STK39: variants seen among roughly 807,000 people sequenced by gnomAD.
The protein encoded by STK39 is serine/threonine kinase 39.
A neutral mutation model predicts 77.8 loss-of-function variants in STK39; 20 were observed. The ratio of observed to expected loss-of-function variants is 0.26; its 90% CI spans 0.18 to 0.37. STK39 has a LOEUF of 0.37. STK39 is among the 10% of genes least tolerant of loss of function. STK39 has a pLI of 1.00. For synonymous variants in STK39, 246 were observed against 234.1 expected (o/e 1.05, Z -0.47); for missense variants, 479 against 656.5 (o/e 0.73, Z 2.95).
intron 1 of STK39, among the ~76,000 whole-genome samples, chr2:168,227,886 T>C (rs1223642629): frequency 6.6e-6 from 1 of 152,144 alleles, no homozygotes; most frequent in Admixed American, 6.5e-5. Context: ...CTTGATCTCC[T>C]GACCTAATGA....
At chr2:168,146,232 G>A (rs1156822344) in intron 5 of STK39, among the ~76,000 whole-genome samples, 3 of 152,202 alleles carry the variant, frequency 2.0e-5, no homozygotes, top group African/African-American at 7.2e-5. Context: ...CTGTTTAGGG[G>A]CTTGCTTGCT....
intron 1 of STK39, among the ~76,000 whole-genome samples, chr2:168,229,026 G>A (rs547210945): frequency 2.0e-4 from 31 of 152,122 alleles, no homozygotes; most frequent in African/African-American, 6.7e-4. Flanking sequence ...ACATCTAAAA[G>A]CATATAATAT....
At chr2:168,040,905 A>G (rs1032561648) in intron 14 of STK39, among the ~76,000 whole-genome samples, 1 of 152,184 alleles carries the variant, frequency 6.6e-6, no homozygotes, top group South Asian at 2.1e-4. Flanking sequence ...GAATTACATA[A>G]AGTGACGTTT....
At chr2:168,090,255 G>C (rs1686482340) in intron 10 of STK39, among the ~76,000 whole-genome samples, 1 of 152,100 alleles carries the variant, frequency 6.6e-6, no homozygotes, top group African/African-American at 2.4e-5. Context: ...TATATTTAGA[G>C]TATCCTGCAT....
intron 1 of STK39, among the ~76,000 whole-genome samples, chr2:168,243,257 G>A (rs1399840904): frequency 6.6e-6 from 1 of 152,186 alleles, no homozygotes; most frequent in Admixed American, 6.5e-5. Context: ...AGCAAAGTGG[G>A]AATGCCCAGG....
chr2:167,992,029 C>T (rs1364699674), intron 16 of STK39, among the ~76,000 whole-genome samples: 2 of 152,110 alleles, frequency 1.3e-5, no homozygotes, highest in Admixed American at 6.5e-5. Flanking sequence ...TCTAGGTCTG[C>T]GGAGATGACG....
At chr2:168,032,833 G>A (rs1027805733) in intron 14 of STK39, among the ~76,000 whole-genome samples, 6 of 152,216 alleles carry the variant, frequency 3.9e-5, no homozygotes, top group African/African-American at 1.4e-4. Flanking sequence ...ATATAGGAGA[G>A]CTTTCCTCTA....
At chr2:168,019,214 C>T (rs1327905930) in intron 14 of STK39, among the ~76,000 whole-genome samples, 3 of 152,204 alleles carry the variant, frequency 2.0e-5, no homozygotes, top group Non-Finnish European at 4.4e-5. Context: ...AAAGTAGATA[C>T]AGCAGTCCCC....
intron 1 of STK39, among the ~76,000 whole-genome samples, chr2:168,239,546 A>C (rs1690705534): frequency 6.6e-6 from 1 of 152,226 alleles, no homozygotes; most frequent in East Asian, 1.9e-4. Flanking sequence ...TGATTGGCCC[A>C]AACGCAACTA....
rs560322805 is a variant in STK39, at chr2:168,130,705, A to C, written c.975-947T>G. ...TGCCTTCAATAGTTATTTCATAGGA[A>C]GTAGCAGAATACTGAGTTCCTACTT... On this transcript the variant is annotated intron_variant, in intron 8 of 17. Transcript: ENST00000355999. 3.9e-5 allele frequency among the ~76,000 whole-genome samples: 6 copies of C among 152,378 alleles called. No individual in the cohort carries two copies. The East Asian group carries it at 1.2e-3, about 29-fold the overall frequency.
At chr2:168,151,008 T>C (rs932438924) in intron 5 of STK39, among the ~76,000 whole-genome samples, 3 of 152,102 alleles carry the variant, frequency 2.0e-5, no homozygotes, top group Non-Finnish European at 4.4e-5. Context: ...TGGTGCTCAA[T>C]GGCCTTGTTT....
chr2:168,096,970 A>G (rs1410071776), intron 10 of STK39, among the ~76,000 whole-genome samples: 1 of 152,138 alleles, frequency 6.6e-6, no homozygotes, highest in Non-Finnish European at 1.5e-5. Flanking sequence ...AGAGAAGAAA[A>G]CGCTATTAAT....
At chr2:168,140,974 T>A (rs1159636420) in intron 5 of STK39, among the ~76,000 whole-genome samples, 1 of 152,150 alleles carries the variant, frequency 6.6e-6, no homozygotes, top group Non-Finnish European at 1.5e-5. Context: ...GCCACAAGCC[T>A]GCCGGTCCAA....
chr2:167,983,708 G>A (rs539203313), intron 16 of STK39, among the ~76,000 whole-genome samples: 2 of 152,160 alleles, frequency 1.3e-5, no homozygotes, highest in East Asian at 1.9e-4. Flanking sequence ...GACACTGGAC[G>A]CTGGGAATGC....
In STK39 at chr2:168,247,361, CGCCGCCGCCGCTGTCACCGGG is replaced by C. The variant is rs750479628; in HGVS notation, c.54_74del (p.Pro19_Ala25del). 0.045 allele frequency: 48,455 copies of C among 1,074,642 alleles called. 1,258 individuals carry two copies. Among genetic ancestry groups the C allele is most frequent in the Non-Finnish European group, 0.051 (45,303 of 886,378 alleles). The allele number at this position is 1,074,642 out of a possible 1,614,324, so 66.6% of individuals were successfully genotyped here. On this transcript the variant is annotated inframe_deletion, in exon 1 of 18. Coordinates refer to ENST00000355999, the MANE Select transcript of STK39 (RefSeq NM_013233.3). ...CTGCTGTCGCGGCCGCCGGGGCCGC[CGCCGCCGCCGCTGTCACCGGG>C]GCCGCCTGCTGGGGAAGCTGGACGT...
intron 5 of STK39, among the ~76,000 whole-genome samples, chr2:168,154,242 C>T (rs547506764): frequency 1.3e-5 from 2 of 152,332 alleles, no homozygotes; most frequent in African/African-American, 4.8e-5. Context: ...GTGAGAAGCA[C>T]AGTTCAGGAG....
At chr2:168,216,902 A>T (rs2105709353) in intron 1 of STK39, among the ~76,000 whole-genome samples, 1 of 152,176 alleles carries the variant, frequency 6.6e-6, no homozygotes, top group South Asian at 2.1e-4. Context: ...AGCTTTACCC[A>T]ACCAACCCGC....
chr2:168,081,518 T>C (rs1686230417), intron 10 of STK39, among the ~76,000 whole-genome samples: 1 of 152,158 alleles, frequency 6.6e-6, no homozygotes, highest in African/African-American at 2.4e-5. Context: ...TATAAGATCA[T>C]AGGTGGAAGG....
intron 1 of STK39, among the ~76,000 whole-genome samples, chr2:168,185,614 T>C (rs573035998): frequency 1.3e-5 from 2 of 152,200 alleles, no homozygotes; most frequent in Admixed American, 6.6e-5. Flanking sequence ...GGAAATATAA[T>C]TTAGTATTCT....
Sources: gnomAD v4.1 joint callset for allele counts (sites outside exome capture counted in the v4.1 genomes callset) on GRCh38, gnomAD v4.1.1 for gene constraint, MANE v1.5 for transcripts, NCBI Gene and HGNC (gene_info 2026-07-23, HGNC 2026-07-21) for gene names.